Variants in CAST observed in about 807,000 individuals in gnomAD.
The protein encoded by CAST is calpastatin.
A neutral mutation model predicts 119.6 loss-of-function variants in CAST; 76 were observed. The observed-to-expected ratio is 0.64, with a 90% confidence interval of 0.53 to 0.77. The LOEUF (loss-of-function observed/expected upper bound fraction) is 0.77. CAST is among the 30% of genes least tolerant of loss of function. The pLI is 0.00. For missense variants in CAST, 953 were observed against 946.5 expected (o/e 1.01, Z -0.09); for synonymous variants, 319 against 331.6 (o/e 0.96, Z 0.41).
At chr5:96,392,802 C>CTA in the CAST span, 1 of 637,428 alleles carries the variant, frequency 1.6e-6, no homozygotes, top group Non-Finnish European at 2.8e-6. Flanking sequence ...TTTGAAATAC[C>CTA]TATGATCAAT....
chr5:96,594,373 T>C (rs4463195), intron 1 of CAST, among the ~76,000 whole-genome samples: 2,960 of 152,304 alleles, frequency 0.019, 92 homozygotes, highest in African/African-American at 0.068. Context: ...AATGTCAAGA[T>C]GTAAACAGAA....
At chr5:96,520,629 T>C (rs1350282083), upstream of CAST, among the ~76,000 whole-genome samples, 1 of 152,042 alleles carries the variant, frequency 6.6e-6, no homozygotes, top group Non-Finnish European at 1.5e-5. Flanking sequence ...GTGTGTGTGC[T>C]CCCTGCATAA....
At chr5:96,361,540 G>A in the CAST span, among the ~76,000 whole-genome samples, 81 of 152,332 alleles carry the variant, frequency 5.3e-4, no homozygotes, top group Non-Finnish European at 5.3e-4. Context: ...GGAATGCACT[G>A]TTCCTCACGG....
the CAST span, among the ~76,000 whole-genome samples, chr5:96,035,071 A>ATATATATATATATATATTTAAG: frequency 1.1e-3 from 19 of 16,522 alleles, no homozygotes; most frequent in African/African-American, 4.5e-3. Context: ...ATATTTAAGT[A>ATATATATATATATATATTTAAG]TATATATATA....
the CAST span, chr5:96,429,331 GAAATA>G: frequency 7.2e-7 from 1 of 1,379,952 alleles, no homozygotes; most frequent in Non-Finnish European, 1.0e-6. Context: ...TAAAAGGAAA[GAAATA>G]AAATAAATAT....
the CAST span, among the ~76,000 whole-genome samples, chr5:96,486,857 T>A: frequency 6.6e-6 from 1 of 152,136 alleles, no homozygotes; most frequent in East Asian, 1.9e-4. Context: ...TCATATCATA[T>A]CTATGACATG....
chr5:96,285,371 G>T, the CAST span, among the ~76,000 whole-genome samples: 1 of 152,170 alleles, frequency 6.6e-6, no homozygotes, highest in African/African-American at 2.4e-5. Flanking sequence ...AAACTTTAAA[G>T]AACTGTACAA....
chr5:96,105,295 G>A, the CAST span, among the ~76,000 whole-genome samples: 1 of 152,160 alleles, frequency 6.6e-6, no homozygotes. Context: ...GGTGAGAGAG[G>A]TCATCCCTGT....
chr5:96,550,307 C>T (rs984648461), intron 1 of CAST, among the ~76,000 whole-genome samples: 2 of 152,172 alleles, frequency 1.3e-5, no homozygotes, highest in South Asian at 4.1e-4. Context: ...CTGCAACAGA[C>T]CTGCAGCTGA....
At chr5:96,026,422 A>T in the CAST span, among the ~76,000 whole-genome samples, 3 of 152,230 alleles carry the variant, frequency 2.0e-5, no homozygotes, top group African/African-American at 7.2e-5. Context: ...AGAGTCCCCA[A>T]ATCAAAAATA....
chr5:96,631,334 A>G (rs73134569), intron 1 of CAST, among the ~76,000 whole-genome samples: 27,329 of 140,330 alleles, frequency 0.19, 6,813 homozygotes, highest in African/African-American at 0.4. Flanking sequence ...TATTTTGGAC[A>G]TTTAATACAA....
chr5:96,556,754 G>A (rs1746248878), intron 1 of CAST, among the ~76,000 whole-genome samples: 1 of 152,170 alleles, frequency 6.6e-6, no homozygotes, highest in Non-Finnish European at 1.5e-5. Context: ...GAAAGTGATG[G>A]GGAGAATGGA....
rs773316574 is a variant in CAST at position 96,743,584 on chromosome 5, C to T, written c.1200+828C>T. ...CATCAGGGAAGGGGAGTCTCCCTGA[C>T]TTCCAGCAACAATCCTTGAGTCTGG... On this transcript the variant is annotated intron_variant, in intron 16 of 31. Coordinates refer to ENST00000675179, the MANE Select transcript of CAST (RefSeq NM_001750.7). 4.4e-6 allele frequency: 7 copies of T among 1,595,334 alleles called. No individual in the cohort carries two copies. The South Asian group carries it at 7.9e-5, about 18-fold the overall frequency.
the CAST span, among the ~76,000 whole-genome samples, chr5:95,989,720 G>T: frequency 6.6e-6 from 1 of 151,884 alleles, no homozygotes; most frequent in Non-Finnish European, 1.5e-5. Flanking sequence ...AGGAAAAATT[G>T]TTTGGGATAT....
the CAST span, among the ~76,000 whole-genome samples, chr5:96,095,883 A>G: frequency 0.62 from 93,670 of 152,012 alleles, 29,077 homozygotes; most frequent in South Asian, 0.68. Context: ...TTAGCAACTT[A>G]GATTGTATTT....
chr5:96,480,883 C>A, the CAST span, among the ~76,000 whole-genome samples: 1 of 152,020 alleles, frequency 6.6e-6, no homozygotes, highest in Admixed American at 6.6e-5. Context: ...GGATGGTGAG[C>A]AAATGGAGAT....
the CAST span, among the ~76,000 whole-genome samples, chr5:96,429,614 A>G: frequency 1.3e-5 from 2 of 151,586 alleles, no homozygotes; most frequent in African/African-American, 4.9e-5. Flanking sequence ...CCCACCCTCC[A>G]CCCTCCAAAA....
intron 1 of CAST, chr5:96,663,305 C>A: frequency 1.5e-6 from 1 of 688,456 alleles, no homozygotes; most frequent in Non-Finnish European, 2.7e-6. Context: ...CGGGTGCGAC[C>A]TCCTCGCAGA....
chr5:96,564,524 A>T (rs936449116), intron 1 of CAST, among the ~76,000 whole-genome samples: 1 of 152,262 alleles, frequency 6.6e-6, no homozygotes, highest in Non-Finnish European at 1.5e-5. Flanking sequence ...ACTTTTATCC[A>T]GATAATACCT....
Sources: allele counts gnomAD v4.1 joint callset (sites outside exome capture counted in the v4.1 genomes callset), GRCh38; gene constraint gnomAD v4.1.1; transcripts MANE v1.5; gene names NCBI Gene and HGNC (gene_info 2026-07-23, HGNC 2026-07-21).